The following ELP4 variants were observed in gnomAD, a reference collection of about 807,000 sequenced individuals.
ELP4 encodes the protein elongator complex protein 4.
In ELP4, 51 loss-of-function variants were observed where a neutral mutation model predicts 48.9. That is an observed-to-expected ratio of 1.04 (90% CI 0.83 to 1.32). The LOEUF is 1.32. ELP4 is among the 40% of genes most tolerant of loss of function. ELP4 has a pLI of 0.00. For synonymous variants in ELP4, 210 were observed against 189.2 expected (o/e 1.11, Z -0.90); for missense variants, 519 against 514.6 (o/e 1.01, Z -0.08).
intron 3 of ELP4, among the ~76,000 whole-genome samples, chr11:31,558,530 T>A (rs755638575): frequency 1.4e-4 from 21 of 152,146 alleles, no homozygotes; most frequent in Non-Finnish European, 2.8e-4. Flanking sequence ...TGCTATGCCC[T>A]GTGATAGGAC....
chr11:31,763,794 C>G (rs1947995010), intron 9 of ELP4, among the ~76,000 whole-genome samples: 1 of 151,772 alleles, frequency 6.6e-6, no homozygotes, highest in African/African-American at 2.4e-5. Flanking sequence ...CTCTGTCTGA[C>G]TTATTTTAAT....
Position 31,789,942 on chromosome 11 carries a change from A to C in ELP4, c.*6418A>C. The stretch of plus-strand genomic sequence containing the variant: ...TTTTTTTTTTTTTTTTTTTACTGTA[A>C]TCTTGGCCAGTATTGAGACATATCA... On this transcript the variant is annotated 3_prime_UTR_variant, in exon 10 of 10. Transcript: ENST00000640961. 1 of 1,427,110 alleles carries C rather than the reference A, an allele frequency of 7.0e-7. No homozygotes were observed. Among genetic ancestry groups the C allele is most frequent in the Non-Finnish European group, 9.4e-7 (1 of 1,059,424 alleles). The allele number at this position is 1,427,110 out of a possible 1,614,324, so 88.4% of individuals were successfully genotyped here. A position where few individuals can be genotyped will look rare whatever the true frequency, so the allele number is the denominator to read the frequency against.
intron 9 of ELP4, among the ~76,000 whole-genome samples, chr11:31,744,762 G>A (rs1341991402): frequency 6.6e-6 from 1 of 151,994 alleles, no homozygotes; most frequent in Non-Finnish European, 1.5e-5. Flanking sequence ...AGCTATCTAT[G>A]ACAAACCCAC....
chr11:31,783,102 T>C (rs968529481), intron 9 of ELP4, among the ~76,000 whole-genome samples: 1 of 152,236 alleles, frequency 6.6e-6, no homozygotes, highest in African/African-American at 2.4e-5. Flanking sequence ...TGTGTTCACT[T>C]CTACCTAATG....
chr11:31,641,328 CTG>C (rs149387304), intron 7 of ELP4, among the ~76,000 whole-genome samples: 4,031 of 151,888 alleles, frequency 0.027, 169 homozygotes, highest in African/African-American at 0.092. Context: ...ATTGTGAAGT[CTG>C]TAGCCCAAGA....
At chr11:31,567,844 T>C (rs1226914920) in intron 3 of ELP4, among the ~76,000 whole-genome samples, 1 of 152,230 alleles carries the variant, frequency 6.6e-6, no homozygotes, top group African/African-American at 2.4e-5. Context: ...TATATGAGCC[T>C]TAAGCAAGTT....
At chr11:31,721,052 C>T (rs1294747716) in intron 9 of ELP4, among the ~76,000 whole-genome samples, 3 of 152,180 alleles carry the variant, frequency 2.0e-5, no homozygotes, top group Non-Finnish European at 2.9e-5. Context: ...TTATTTGAAA[C>T]TTGGCAGCTT....
intron 7 of ELP4, chr11:31,634,151 C>T (rs1228989145): frequency 6.6e-6 from 1 of 152,058 alleles, no homozygotes; most frequent in Non-Finnish European, 1.5e-5. Context: ...TCTTTACCCT[C>T]TGTCACACTA....
intron 5 of ELP4, among the ~76,000 whole-genome samples, chr11:31,613,988 G>T (rs1958031588): frequency 6.6e-6 from 1 of 152,014 alleles, no homozygotes; most frequent in African/African-American, 2.4e-5. Context: ...TGGGATTACA[G>T]GCATGAGCCA....
chr11:31,788,185 A>AT lies in ELP4; in HGVS notation c.*4663dup, dbSNP rs1378551277. ...TTAAACATGATCAGAACTGTGCTTC[A>AT]TTGCAAATAACAACTGACCAACAAT... On this transcript the variant is annotated 3_prime_UTR_variant, in exon 10 of 10. Coordinates refer to ENST00000640961, the MANE Select transcript of ELP4 (RefSeq NM_019040.5). The AT allele has an allele frequency of 4.4e-6, 1 of 226,424 alleles. No individual in the cohort carries two copies. The highest frequency in any genetic ancestry group is 5.7e-5 in the Admixed American group (1 of 17,528). The allele number at this position is 226,424 out of a possible 1,614,324, so 14.0% of individuals were successfully genotyped here.
intron 9 of ELP4, chr11:31,763,615 G>A: frequency 6.9e-7 from 1 of 1,452,998 alleles, no homozygotes; most frequent in Admixed American, 2.2e-5. Flanking sequence ...CATTAAGAAG[G>A]GAATGTTAAG....
rs144420817 is a variant in ELP4 at position 31,572,241 on chromosome 11, G to C, written c.382-22529G>C. ...TTCACTTTGCACTGTTATGGAGAAG[G>C]CTTCTTTTCTGAAATCTCATGAACT... On this transcript the variant is annotated intron_variant, in intron 3 of 9. Transcript: ENST00000640961. 6.6e-3 allele frequency among the ~76,000 whole-genome samples: 1,007 copies of C among 152,268 alleles called. 14 individuals carry two copies. Among genetic ancestry groups the C allele is most frequent in the African/African-American group, 0.022 (933 of 41,562 alleles).
chr11:31,635,543 C>T (rs1447437586), intron 7 of ELP4, among the ~76,000 whole-genome samples: 1 of 151,976 alleles, frequency 6.6e-6, no homozygotes, highest in East Asian at 1.9e-4. Context: ...CACAAAGTAC[C>T]ATTCGATGAT....
intron 3 of ELP4, among the ~76,000 whole-genome samples, chr11:31,572,069 C>T (rs181484235): frequency 6.6e-6 from 1 of 152,202 alleles, no homozygotes; most frequent in African/African-American, 2.4e-5. Context: ...TGACTTCTCT[C>T]TAGCCATGAA....
chr11:31,611,598 G>C (rs192801311), intron 5 of ELP4, among the ~76,000 whole-genome samples: 1 of 152,170 alleles, frequency 6.6e-6, no homozygotes, highest in Admixed American at 6.5e-5. Flanking sequence ...ATCTACTGAA[G>C]TAAGTAAACA....
At chr11:31,752,690 C>T (rs1426926369) in intron 9 of ELP4, among the ~76,000 whole-genome samples, 2 of 151,826 alleles carry the variant, frequency 1.3e-5, no homozygotes, top group East Asian at 1.9e-4. Flanking sequence ...AAAAATTAGC[C>T]GGGCATGGTG....
At chr11:31,717,224 A>G (rs1946859976) in intron 9 of ELP4, among the ~76,000 whole-genome samples, 1 of 152,176 alleles carries the variant, frequency 6.6e-6, no homozygotes, top group African/African-American at 2.4e-5. Context: ...AGAAATGTAC[A>G]TGTTTATTTT....
chr11:31,713,087 G>A (rs964143220), intron 9 of ELP4, among the ~76,000 whole-genome samples: 1 of 152,156 alleles, frequency 6.6e-6, no homozygotes, highest in African/African-American at 2.4e-5. Context: ...ATTGAGTTCA[G>A]TCAGTGCCAG....
chr11:31,559,795 C>A (rs755976184), intron 3 of ELP4, among the ~76,000 whole-genome samples: 7 of 151,282 alleles, frequency 4.6e-5, no homozygotes, highest in Non-Finnish European at 1.0e-4. Flanking sequence ...CCCAGCTACT[C>A]GGGTGGCTGA....
Sources: gnomAD v4.1 joint callset for allele counts (sites outside exome capture counted in the v4.1 genomes callset) on GRCh38, gnomAD v4.1.1 for gene constraint, MANE v1.5 for transcripts, NCBI Gene and HGNC (gene_info 2026-07-23, HGNC 2026-07-21) for gene names.